Variants in CHCHD6 observed in about 807,000 individuals in gnomAD.
The protein encoded by CHCHD6 is MICOS complex subunit MIC25.
Under a neutral mutation model 32.3 loss-of-function variants are expected in CHCHD6, and 28 were observed. The observed-to-expected ratio is 0.87, with a 90% CI of 0.64 to 1.19. The LOEUF is 1.19. Among genes scored for constraint, CHCHD6 ranks in the 50% most tolerant of loss-of-function variants. CHCHD6 has a pLI of 0.00. For synonymous variants in CHCHD6, 122 were observed against 117.5 expected, an observed-to-expected ratio of 1.04 and a Z score of -0.25; for missense variants, 333 against 307.0, an observed-to-expected ratio of 1.08 and a Z score of -0.63.
intron 5 of CHCHD6, among the ~76,000 whole-genome samples, chr3:126,864,231 A>T (rs1942140235): frequency 8.5e-6 from 1 of 117,642 alleles, no homozygotes; most frequent in Non-Finnish European, 1.7e-5. Context: ...CATTATCATC[A>T]TCTCCTCCTC....
At chr3:126,767,703 G>T (rs993183121) in intron 4 of CHCHD6, among the ~76,000 whole-genome samples, 1 of 152,110 alleles carries the variant, frequency 6.6e-6, no homozygotes, top group Non-Finnish European at 1.5e-5. Context: ...CAGATAATTA[G>T]CCTAGTACCC....
intron 4 of CHCHD6, among the ~76,000 whole-genome samples, chr3:126,848,711 A>G (rs1941373734): frequency 6.6e-6 from 1 of 152,176 alleles, no homozygotes. Flanking sequence ...CTAATTGTTG[A>G]AGCTTGCTGA....
intron 5 of CHCHD6, 103 bp from the exon 6 acceptor site, chr3:126,914,577 G>A (rs76833790): frequency 5.3e-6 from 4 of 759,768 alleles, no homozygotes; most frequent in South Asian, 2.9e-5. Context: ...TTTGATGCCC[G>A]TCAAGAAATT....
At chr3:126,805,139 A>G (rs940044192) in intron 4 of CHCHD6, among the ~76,000 whole-genome samples, 2,732 of 152,286 alleles carry the variant, frequency 0.018, 29 homozygotes, top group Middle Eastern at 0.051. Flanking sequence ...GAAAACTGGC[A>G]CAAGACAGGG....
intron 4 of CHCHD6, among the ~76,000 whole-genome samples, chr3:126,764,120 TATATC>T (rs929332362): frequency 2.0e-5 from 3 of 150,446 alleles, no homozygotes; most frequent in African/African-American, 7.3e-5. Flanking sequence ...TCTAGACAAT[TATATC>T]ATTTATTTAA....
intron 5 of CHCHD6, among the ~76,000 whole-genome samples, chr3:126,864,739 TCCA>T (rs1418744781): frequency 8.4e-6 from 1 of 119,450 alleles, no homozygotes; most frequent in Non-Finnish European, 1.7e-5. Context: ...CTCTTCCTCC[TCCA>T]CCATCATCTA....
At position 126,765,517 on chromosome 3, in the gene CHCHD6, CG is replaced by C. The variant is rs551431801; in HGVS notation, c.411+32297del. ...ACTAAAGAGAGCTGAGTCAGCAGAA[CG>C]GTACCCCGAGTCTCAGTAACAGGAC... On this transcript the variant is annotated intron_variant, in intron 4 of 7. Transcript: ENST00000290913. Among the ~76,000 whole-genome samples, 150 of 152,316 alleles carry C rather than the reference CG, an allele frequency of 9.8e-4. 1 individual carries two copies. Among genetic ancestry groups the C allele is most frequent in the African/African-American group, 3.4e-3 (140 of 41,562 alleles).
intron 4 of CHCHD6, among the ~76,000 whole-genome samples, chr3:126,790,188 G>C (rs1938454073): frequency 6.6e-6 from 1 of 152,152 alleles, no homozygotes; most frequent in Non-Finnish European, 1.5e-5. Flanking sequence ...TCTGCTGAGA[G>C]ATCAGCTGTT....
chr3:126,903,782 T>C (rs958047357), intron 5 of CHCHD6, among the ~76,000 whole-genome samples: 6 of 152,326 alleles, frequency 3.9e-5, no homozygotes, highest in African/African-American at 1.4e-4. Flanking sequence ...CAGCACACTG[T>C]GGAATTCCCT....
intron 4 of CHCHD6, among the ~76,000 whole-genome samples, chr3:126,745,070 C>T (rs1211859490): frequency 1.3e-5 from 2 of 152,194 alleles, no homozygotes; most frequent in Non-Finnish European, 2.9e-5. Context: ...GGGAGGGACA[C>T]TCTTCCCTGG....
At chr3:126,852,343 C>A (rs1286627762) in intron 4 of CHCHD6, among the ~76,000 whole-genome samples, 1 of 152,162 alleles carries the variant, frequency 6.6e-6, no homozygotes, top group Non-Finnish European at 1.5e-5. Context: ...ATGATCCCAC[C>A]TGCCCTTTAG....
chr3:126,893,050 C>T (rs906533359), intron 5 of CHCHD6, among the ~76,000 whole-genome samples: 5 of 152,044 alleles, frequency 3.3e-5, no homozygotes, highest in Admixed American at 1.3e-4. Flanking sequence ...CTCACTGCAA[C>T]GTCCACCACC....
intron 5 of CHCHD6, among the ~76,000 whole-genome samples, chr3:126,910,210 C>T (rs948970987): frequency 7.0e-5 from 10 of 142,232 alleles, no homozygotes; most frequent in African/African-American, 2.3e-4. Context: ...GCCCAGAGGT[C>T]GAGGTTACAG....
chr3:126,882,055 G>A (rs1023835600), intron 5 of CHCHD6, among the ~76,000 whole-genome samples: 2 of 152,126 alleles, frequency 1.3e-5, no homozygotes, highest in African/African-American at 4.8e-5. Context: ...CTCTGGGTTG[G>A]CCACTCCCTG....
At chr3:126,836,431 C>A (rs901995628) in intron 4 of CHCHD6, among the ~76,000 whole-genome samples, 1 of 152,160 alleles carries the variant, frequency 6.6e-6, no homozygotes, top group African/African-American at 2.4e-5. Context: ...TGAATGAGTC[C>A]TCACCCCTGC....
intron 4 of CHCHD6, among the ~76,000 whole-genome samples, chr3:126,764,901 C>T (rs548798223): frequency 1.3e-5 from 2 of 152,250 alleles, no homozygotes; most frequent in Admixed American, 6.5e-5. Context: ...ACACAGAACA[C>T]GAGATGCACG....
At chr3:126,923,686 C>T (rs569444388) in intron 6 of CHCHD6, among the ~76,000 whole-genome samples, 2 of 152,318 alleles carry the variant, frequency 1.3e-5, no homozygotes, top group South Asian at 2.1e-4. Context: ...TGGCCTGGGT[C>T]GGATGACATA....
At chr3:126,705,704 T>C (rs1934452235) in intron 1 of CHCHD6, among the ~76,000 whole-genome samples, 1 of 151,486 alleles carries the variant, frequency 6.6e-6, no homozygotes, top group Admixed American at 6.6e-5. Flanking sequence ...GTAGATGAAT[T>C]AGTTAATTAA....
At chr3:126,938,035 G>T (rs936583677) in intron 6 of CHCHD6, among the ~76,000 whole-genome samples, 2 of 152,198 alleles carry the variant, frequency 1.3e-5, no homozygotes, top group African/African-American at 2.4e-5. Context: ...ATCTTGCTGT[G>T]CAGACAGCTA....
Sources: gnomAD v4.1 joint callset for allele counts (sites outside exome capture counted in the v4.1 genomes callset) on GRCh38, gnomAD v4.1.1 for gene constraint, MANE v1.5 for transcripts, NCBI Gene and HGNC (gene_info 2026-07-23, HGNC 2026-07-21) for gene names.